Variants in NCOA2 observed in about 807,000 individuals in gnomAD.
NCOA2 encodes the protein nuclear receptor coactivator 2, also known as class E basic helix-loop-helix protein 75.
NCOA2 carries 21 observed loss-of-function variants against 145.1 expected under a neutral mutation model. The observed-to-expected ratio is 0.14, with a 90% CI of 0.10 to 0.21. The LOEUF is 0.21. Ranked by LOEUF, NCOA2 falls within the 10% of genes least tolerant of loss-of-function variation. The probability of loss-of-function intolerance (pLI) is 1.00; values close to 1 mark genes in which losing one functional copy is unlikely to be tolerated. For synonymous variants in NCOA2, 619 were observed against 637.5 expected, an observed-to-expected ratio of 0.97 and a Z score of 0.44; for missense variants, 1,472 against 1,837.6, an observed-to-expected ratio of 0.80 and a Z score of 3.64.
rs746627234 is a variant in NCOA2, at chr8:70,126,806, C to T, written c.3916+7G>A. 3 of 1,612,074 alleles carry T rather than the reference C, an allele frequency of 1.9e-6. No individual in the cohort carries two copies. Among genetic ancestry groups the T allele is most frequent in the Non-Finnish European group, 2.5e-6 (3 of 1,178,384 alleles). On this transcript the variant is annotated splice_region_variant and intron_variant, in intron 19 of 22. Coordinates refer to ENST00000452400, the MANE Select transcript of NCOA2 (RefSeq NM_006540.4). ...GGTGAAAGGTGGTGGGGATCTAAGT[C>T]CAGTACCGTAGTTTGGAGGAAATGG...
chr8:70,218,415 G>A (rs1453013227), intron 2 of NCOA2, among the ~76,000 whole-genome samples: 4 of 152,122 alleles, frequency 2.6e-5, no homozygotes, highest in Admixed American at 2.0e-4. Flanking sequence ...CTGATAATAA[G>A]TATAATCTGT....
At chr8:70,129,677 CT>C (rs990872423) in intron 16 of NCOA2, among the ~76,000 whole-genome samples, 32 of 147,434 alleles carry the variant, frequency 2.2e-4, no homozygotes, top group Middle Eastern at 3.5e-3. Flanking sequence ...TCACTCCTGA[CT>C]TTTTTTTTTT....
At chr8:70,332,535 T>C (rs1195550118) in intron 1 of NCOA2, among the ~76,000 whole-genome samples, 1 of 152,200 alleles carries the variant, frequency 6.6e-6, no homozygotes, top group Non-Finnish European at 1.5e-5. Flanking sequence ...CTTTGACTAT[T>C]TTAGTCATAA....
intron 1 of NCOA2, among the ~76,000 whole-genome samples, chr8:70,319,704 A>ATAAC (rs1805893643): frequency 6.6e-6 from 1 of 152,192 alleles, no homozygotes; most frequent in African/African-American, 2.4e-5. Flanking sequence ...ATTATTGTTA[A>ATAAC]AAATGTTTTT....
At chr8:70,394,399 C>T (rs899229007) in intron 1 of NCOA2, among the ~76,000 whole-genome samples, 1 of 152,234 alleles carries the variant, frequency 6.6e-6, no homozygotes, top group Admixed American at 6.5e-5. Context: ...AGGTGATCCG[C>T]CCACCTCGGC....
At chr8:70,170,723 C>T (rs1000658901) in intron 5 of NCOA2, among the ~76,000 whole-genome samples, 6 of 152,084 alleles carry the variant, frequency 3.9e-5, no homozygotes, top group Admixed American at 6.6e-5. Context: ...ACATACTCCA[C>T]GGGGCCAAGA....
chr8:70,340,504 A>T (rs1398098971), intron 1 of NCOA2, among the ~76,000 whole-genome samples: 1 of 152,188 alleles, frequency 6.6e-6, no homozygotes, highest in Non-Finnish European at 1.5e-5. Flanking sequence ...TGGGAGTGTA[A>T]ATTAGTTCAA....
chr8:70,190,372 A>C (rs1456017668), intron 4 of NCOA2, among the ~76,000 whole-genome samples: 1 of 152,228 alleles, frequency 6.6e-6, no homozygotes, highest in Admixed American at 6.5e-5. Context: ...AGAAACTATG[A>C]GTCACTAAGT....
intron 4 of NCOA2, among the ~76,000 whole-genome samples, chr8:70,194,199 T>C (rs918033058): frequency 3.9e-5 from 6 of 152,246 alleles, no homozygotes; most frequent in African/African-American, 1.4e-4. Flanking sequence ...TCTAAAATTT[T>C]AAGTGTAAAT....
intron 1 of NCOA2, among the ~76,000 whole-genome samples, chr8:70,354,481 C>T (rs557609226): frequency 2.6e-4 from 40 of 152,324 alleles, no homozygotes; most frequent in South Asian, 1.0e-3. Context: ...AGCAAACATT[C>T]TCTAGAAAAC....
At chr8:70,198,356 G>A (rs573345312) in intron 4 of NCOA2, among the ~76,000 whole-genome samples, 1 of 152,278 alleles carries the variant, frequency 6.6e-6, no homozygotes, top group East Asian at 1.9e-4. Context: ...CTGGAGGTCT[G>A]CCTAGAAGTA....
intron 1 of NCOA2, among the ~76,000 whole-genome samples, chr8:70,368,690 C>A (rs1465501763): frequency 1.3e-5 from 2 of 152,106 alleles, no homozygotes; most frequent in Non-Finnish European, 2.9e-5. Context: ...TATAAAAATT[C>A]ACTTTAATTT....
chr8:70,402,238 G>A (rs1416244338), intron 1 of NCOA2: 3 of 152,408 alleles, frequency 2.0e-5, no homozygotes, highest in Non-Finnish European at 4.4e-5. Flanking sequence ...GATTCGGGTC[G>A]GTGGGAGGGG....
At chr8:70,160,682 G>GAGAGGGA (rs371258460) in intron 9 of NCOA2, among the ~76,000 whole-genome samples, 1,227 of 58,308 alleles carry the variant, frequency 0.021, 24 homozygotes, top group African/African-American at 0.047. Context: ...AGAGAGAGAG[G>GAGAGGGA]GAGAGAGAGA....
the NCOA2 span, among the ~76,000 whole-genome samples, chr8:70,441,830 G>A: frequency 7.1e-6 from 1 of 140,888 alleles, no homozygotes; most frequent in Non-Finnish European, 1.5e-5. Flanking sequence ...AAAGAAGAAA[G>A]AAAGAAAGAA....
At chr8:70,220,546 G>A (rs1411282861) in intron 2 of NCOA2, among the ~76,000 whole-genome samples, 1 of 152,198 alleles carries the variant, frequency 6.6e-6, no homozygotes, top group Non-Finnish European at 1.5e-5. Flanking sequence ...AAGAGTTATA[G>A]CCTTACGATT....
At chr8:70,291,323 A>T (rs1414301168) in intron 2 of NCOA2, among the ~76,000 whole-genome samples, 1 of 152,194 alleles carries the variant, frequency 6.6e-6, no homozygotes, top group Non-Finnish European at 1.5e-5. Context: ...ATGCTAACTC[A>T]AAAGATTTAC....
At chr8:70,214,104 G>A (rs1017868467) in intron 3 of NCOA2, 29 bp from the exon 4 acceptor site, 15 of 1,573,806 alleles carry the variant, frequency 9.5e-6, no homozygotes, top group Non-Finnish European at 1.3e-5. Context: ...TTTTTATGAT[G>A]TATTTGAAAA....
At chr8:70,444,114 C>A in the NCOA2 span, among the ~76,000 whole-genome samples, 1 of 152,166 alleles carries the variant, frequency 6.6e-6, no homozygotes, top group Non-Finnish European at 1.5e-5. Flanking sequence ...TGGAAATAAT[C>A]CAAATGTCCT....
Sources: gnomAD v4.1 joint callset for allele counts (sites outside exome capture counted in the v4.1 genomes callset) on GRCh38, gnomAD v4.1.1 for gene constraint, MANE v1.5 for transcripts, NCBI Gene and HGNC (gene_info 2026-07-23, HGNC 2026-07-21) for gene names.